CYP3A43: variants seen among roughly 807,000 people sequenced by gnomAD.
CYP3A43 encodes the protein cytochrome P450 3A43.
Under a neutral mutation model 58.0 loss-of-function variants are expected in CYP3A43, and 45 were observed. That is an observed-to-expected ratio of 0.78 (90% confidence interval 0.61 to 0.99). The LOEUF is 0.99. CYP3A43 is among the 50% of genes least tolerant of loss of function. The pLI, the probability that CYP3A43 is intolerant of heterozygous loss-of-function variation, is 0.00. For synonymous variants in CYP3A43, 191 were observed against 201.4 expected (o/e 0.95, Z 0.44); for missense variants, 593 against 591.9 (o/e 1.00, Z -0.02).
At chr7:99,842,636 C>G (rs1272538510) in intron 3 of CYP3A43, among the ~76,000 whole-genome samples, 1 of 152,072 alleles carries the variant, frequency 6.6e-6, no homozygotes, top group Non-Finnish European at 1.5e-5. Context: ...AAATTAAGAG[C>G]AAAAATCTGA....
At chr7:99,828,428 G>A (rs760911918) in intron 1 of CYP3A43, among the ~76,000 whole-genome samples, 2 of 152,050 alleles carry the variant, frequency 1.3e-5, no homozygotes, top group Non-Finnish European at 2.9e-5. Context: ...CTTGGGAGGT[G>A]GAGGCAGGCC....
At chr7:99,857,256 A>G (rs1818018313) in intron 9 of CYP3A43, among the ~76,000 whole-genome samples, 1 of 152,226 alleles carries the variant, frequency 6.6e-6, no homozygotes, top group Non-Finnish European at 1.5e-5. Flanking sequence ...TGTCCAAATA[A>G]GGGTGATTTT....
At chr7:99,858,555 A>G (rs986966586) in intron 9 of CYP3A43, among the ~76,000 whole-genome samples, 1 of 152,134 alleles carries the variant, frequency 6.6e-6, no homozygotes, top group African/African-American at 2.4e-5. Flanking sequence ...GGAAGATGCT[A>G]TTCGGGCCAG....
At chr7:99,863,821 G>A (rs757132297) in intron 12 of CYP3A43, 122 bp downstream of exon 12, 1 of 807,786 alleles carries the variant, frequency 1.2e-6, no homozygotes, top group Non-Finnish European at 1.8e-6. Flanking sequence ...AATCTAATTG[G>A]AGCTATCCAT....
chr7:99,841,710 T>A (rs1449795212), intron 3 of CYP3A43, among the ~76,000 whole-genome samples: 3 of 152,174 alleles, frequency 2.0e-5, no homozygotes, highest in South Asian at 4.1e-4. Context: ...ACATTTTTTT[T>A]AATTGAGATG....
chr7:99,830,162 A>G (rs535608210), intron 1 of CYP3A43, among the ~76,000 whole-genome samples: 6 of 152,278 alleles, frequency 3.9e-5, no homozygotes, highest in Non-Finnish European at 5.9e-5. Flanking sequence ...TCATACCTAA[A>G]GGAAGATCCT....
intron 3 of CYP3A43, among the ~76,000 whole-genome samples, chr7:99,839,772 G>A (rs749519573): frequency 3.9e-5 from 6 of 152,198 alleles, no homozygotes; most frequent in Non-Finnish European, 8.8e-5. Context: ...ATGAGCTTGA[G>A]GAGGCAGTGT....
At chr7:99,853,080 C>T (rs1279076142) in intron 7 of CYP3A43, among the ~76,000 whole-genome samples, 6 of 152,044 alleles carry the variant, frequency 3.9e-5, no homozygotes, top group Admixed American at 3.9e-4. Context: ...TATATTTTTC[C>T]AGTTTTAATA....
intron 2 of CYP3A43, chr7:99,838,552 G>T: frequency 3.2e-6 from 2 of 624,250 alleles, no homozygotes; most frequent in Non-Finnish European, 4.6e-6. Context: ...GAAAGACAAT[G>T]AGTTGCTTAG....
At chr7:99,831,670 C>A (rs550042208) in intron 1 of CYP3A43, among the ~76,000 whole-genome samples, 1 of 152,236 alleles carries the variant, frequency 6.6e-6, no homozygotes, top group Admixed American at 6.5e-5. Flanking sequence ...TGCAGGCAGG[C>A]CTGCCATAAG....
chr7:99,860,440 T>C (rs1308543441), intron 10 of CYP3A43, among the ~76,000 whole-genome samples: 2 of 152,150 alleles, frequency 1.3e-5, no homozygotes, highest in Non-Finnish European at 1.5e-5. Context: ...AAGTAGCTAG[T>C]GGTGAAGAAG....
At chr7:99,837,319 A>C (rs1196423864) in intron 2 of CYP3A43, among the ~76,000 whole-genome samples, 2 of 93,294 alleles carry the variant, frequency 2.1e-5, no homozygotes, top group East Asian at 2.1e-4. Context: ...ACTGTGTCTC[A>C]AAAAAAAAAA....
intron 2 of CYP3A43, among the ~76,000 whole-genome samples, chr7:99,838,442 A>C (rs1817181054): frequency 6.6e-6 from 1 of 152,244 alleles, no homozygotes. Context: ...ACACTCACTC[A>C]CTTTCCGTCA....
chr7:99,839,276 T>C, intron 3 of CYP3A43, 104 bp downstream of exon 3: 1 of 1,365,366 alleles, frequency 7.3e-7, no homozygotes. Flanking sequence ...ATAATGCTAT[T>C]GTCAACCTAA....
chr7:99,860,924 A>T (rs45446692), intron 10 of CYP3A43, among the ~76,000 whole-genome samples: 2,335 of 151,800 alleles, frequency 0.015, 25 homozygotes, highest in Middle Eastern at 0.041. Context: ...CCCAGGCTGG[A>T]CTGCAGTGGG....
chr7:99,865,952 C>T lies in CYP3A43; in HGVS notation c.1463C>T (p.Pro488Leu), dbSNP rs200454651. 6.2e-7 allele frequency: 1 copy of T among 1,608,028 alleles called. No homozygotes were observed. ...CTACCAATTCTTCAACCAGAAAAAC[C>T]TATTGTTCTAAAAGTGCACTTAAGA... ...DNLPILQPEK[P>L]IVLKVHLRDG... Residue 488 changes from proline to leucine, a missense_variant, in exon 13 of 13, where the codon CCT becomes CTT. Pro to Leu is a moderately conservative substitution (Grantham distance 98). Transcript: ENST00000354829.
chr7:99,839,026 G>A, intron 2 of CYP3A43, 94 bp from the exon 3 acceptor site: 2 of 1,389,692 alleles, frequency 1.4e-6, no homozygotes, highest in Non-Finnish European at 2.0e-6. Flanking sequence ...CCTAATGGTA[G>A]CAAGTCATTG....
chr7:99,862,039 CT>C (rs1410799977), intron 11 of CYP3A43, among the ~76,000 whole-genome samples, 200 bp downstream of exon 11: 1 of 150,850 alleles, frequency 6.6e-6, no homozygotes, highest in Non-Finnish European at 1.5e-5. Context: ...TATGTAATGC[CT>C]GTCTTGTAGG....
At chr7:99,855,561 T>A in intron 7 of CYP3A43, 30 bp from the exon 8 acceptor site, 1 of 1,575,416 alleles carries the variant, frequency 6.3e-7, no homozygotes, top group Non-Finnish European at 8.6e-7. Flanking sequence ...TATGATTTAT[T>A]TTTTCTTTTT....
Sources: allele counts gnomAD v4.1 joint callset (sites outside exome capture counted in the v4.1 genomes callset), GRCh38; gene constraint gnomAD v4.1.1; transcripts MANE v1.5; gene names NCBI Gene and HGNC (gene_info 2026-07-23, HGNC 2026-07-21).